Variants in SIK3 observed in about 807,000 individuals in gnomAD.
The protein encoded by SIK3 is serine/threonine-protein kinase SIK3.
A neutral mutation model predicts 144.2 loss-of-function variants in SIK3; 28 were observed. That is an observed-to-expected ratio of 0.19 (90% CI 0.14 to 0.27). The LOEUF (loss-of-function observed/expected upper bound fraction) is 0.27. SIK3 is among the 10% of genes least tolerant of loss of function. SIK3 has a pLI of 1.00. For synonymous variants in SIK3, 686 were observed against 676.3 expected, an observed-to-expected ratio of 1.01 and a Z score of -0.22; for missense variants, 1,319 against 1,776.0, an observed-to-expected ratio of 0.74 and a Z score of 4.62.
chr11:116,932,240 G>A (rs1046201663), intron 3 of SIK3, among the ~76,000 whole-genome samples: 5 of 152,124 alleles, frequency 3.3e-5, no homozygotes, highest in African/African-American at 1.2e-4. Flanking sequence ...CTCCTCAAAA[G>A]AGCAGCCAAG....
rs978513478 is a variant in SIK3 at position 117,089,232 on chromosome 11, G to A, written c.273+8911C>T. On this transcript the variant is annotated intron_variant, in intron 1 of 24. Coordinates refer to ENST00000445177, the MANE Select transcript of SIK3 (RefSeq NM_001366686.3). ...CAGCCTGGCTAACACATGGTGAAAC[G>A]CCGTCTCTACTAAAAATACAAAAAA... Among the ~76,000 whole-genome samples, 8 of 151,774 alleles carry A rather than the reference G, an allele frequency of 5.3e-5. No homozygotes were observed. The East Asian group carries it at 5.9e-4, about 11-fold the overall frequency.
At chr11:117,020,219 T>C (rs1951707448) in intron 1 of SIK3, among the ~76,000 whole-genome samples, 3 of 100,524 alleles carry the variant, frequency 3.0e-5, no homozygotes, top group Non-Finnish European at 5.8e-5. Context: ...GCGGTGATAT[T>C]TGTATGTGTA....
At chr11:117,006,016 C>T (rs1010487952) in intron 1 of SIK3, among the ~76,000 whole-genome samples, 16 of 152,086 alleles carry the variant, frequency 1.1e-4, no homozygotes, top group Non-Finnish European at 2.4e-4. Context: ...GGAAGGGGAA[C>T]AGAAAGCAGA....
intron 21 of SIK3, among the ~76,000 whole-genome samples, chr11:116,853,685 A>G (rs772851448): frequency 2.9e-4 from 44 of 152,346 alleles, no homozygotes; most frequent in Middle Eastern, 3.4e-3. Flanking sequence ...TTACTGCTCT[A>G]TGAGGCCTGA....
chr11:116,972,354 CAG>C (rs1949794077), intron 1 of SIK3, among the ~76,000 whole-genome samples: 1 of 152,122 alleles, frequency 6.6e-6, no homozygotes, highest in African/African-American at 2.4e-5. Flanking sequence ...TAAATATAAA[CAG>C]AGATAATTGA....
intron 1 of SIK3, among the ~76,000 whole-genome samples, chr11:116,966,293 A>G (rs568453596): frequency 1.3e-5 from 2 of 152,242 alleles, no homozygotes; most frequent in South Asian, 4.2e-4. Flanking sequence ...TACTCAGGAG[A>G]CTGAGGTGGG....
intron 4 of SIK3, among the ~76,000 whole-genome samples, chr11:116,915,904 T>C (rs958375244): frequency 4.6e-5 from 7 of 152,364 alleles, no homozygotes; most frequent in East Asian, 1.9e-4. Flanking sequence ...GCTATTATGA[T>C]AACCAACTAC....
At chr11:116,875,805 G>C in intron 9 of SIK3, 61 bp downstream of exon 9, 2 of 1,529,360 alleles carry the variant, frequency 1.3e-6, no homozygotes, top group Non-Finnish European at 1.7e-6. Flanking sequence ...GTGAGCAACA[G>C]CTAACCTTTA....
intron 1 of SIK3, among the ~76,000 whole-genome samples, chr11:116,990,439 C>A (rs538207922): frequency 1.6e-4 from 25 of 152,204 alleles, no homozygotes; most frequent in African/African-American, 5.5e-4. Flanking sequence ...CTGGGTATAA[C>A]CTACATACAT....
chr11:116,995,883 A>G (rs532240440), intron 1 of SIK3, among the ~76,000 whole-genome samples: 1 of 152,168 alleles, frequency 6.6e-6, no homozygotes, highest in Non-Finnish European at 1.5e-5. Flanking sequence ...GGTGTGGTAG[A>G]ACCTGCCTGT....
chr11:117,069,118 G>C lies in SIK3; in HGVS notation c.273+29025C>G, dbSNP rs1418266206. ...CTTTACTTGCCCATCTAAAATTAGA[G>C]AGAAAGAAGATAAAGGGGTAGGCTT... On this transcript the variant is annotated intron_variant, in intron 1 of 24. Coordinates refer to ENST00000445177, the MANE Select transcript of SIK3 (RefSeq NM_001366686.3). Among the ~76,000 whole-genome samples, 3 of 140,288 alleles carry C rather than the reference G, an allele frequency of 2.1e-5. 1 individual carries two copies. In the East Asian group the frequency reaches 7.1e-4, roughly 33 times the overall value. The allele number at this position is 140,288 out of a possible 152,430, so 92.0% of individuals were successfully genotyped here.
At chr11:116,992,094 C>T (rs999158954) in intron 1 of SIK3, among the ~76,000 whole-genome samples, 3 of 152,018 alleles carry the variant, frequency 2.0e-5, no homozygotes, top group Non-Finnish European at 4.4e-5. Flanking sequence ...GAGGCCAAAG[C>T]GGGCAGAACA....
At chr11:117,025,253 G>A (rs1224542708) in intron 1 of SIK3, among the ~76,000 whole-genome samples, 1 of 151,866 alleles carries the variant, frequency 6.6e-6, no homozygotes, top group Admixed American at 6.6e-5. Flanking sequence ...TCACTGATCC[G>A]GTCCAACCCC....
rs1942283259 is a variant in SIK3, at chr11:116,849,733, C to T, written c.3656-450G>A. ...TACTCTCCTCTTTCTACTTCTCTAA[C>T]TGCTGCTTCTGACTCCTTTGATGGC... On this transcript the variant is annotated intron_variant, in intron 21 of 24. Transcript: ENST00000445177. The surrounding 1 kb of genome is among the most constrained non-coding windows in gnomAD (Gnocchi z 4.2). Among the ~76,000 whole-genome samples, 1 of 152,118 alleles carries T rather than the reference C, an allele frequency of 6.6e-6. No homozygotes were observed. The highest frequency in any genetic ancestry group is 1.5e-5 in the Non-Finnish European group (1 of 68,016).
chr11:116,999,960 C>T (rs1202040658), intron 1 of SIK3, among the ~76,000 whole-genome samples: 2 of 152,046 alleles, frequency 1.3e-5, no homozygotes, highest in African/African-American at 4.8e-5. Flanking sequence ...CAACAGTGGG[C>T]ATAATTTGTT....
chr11:116,986,073 A>G (rs895575489), intron 1 of SIK3, among the ~76,000 whole-genome samples: 1 of 152,200 alleles, frequency 6.6e-6, no homozygotes, highest in African/African-American at 2.4e-5. Context: ...AAAAGTCAAC[A>G]TAATTGTGAT....
chr11:117,060,495 G>T (rs573201775), intron 1 of SIK3, among the ~76,000 whole-genome samples: 3 of 152,098 alleles, frequency 2.0e-5, no homozygotes, highest in Admixed American at 1.3e-4. Context: ...TACTCGGGAG[G>T]CTGAGGGAGG....
chr11:116,881,262 T>TTG (rs34246440), intron 6 of SIK3, among the ~76,000 whole-genome samples: 9,348 of 152,196 alleles, frequency 0.061, 560 homozygotes, highest in African/African-American at 0.15. Flanking sequence ...GCTCCTCTGC[T>TTG]TGTGTGTGCC....
At chr11:117,084,507 C>A (rs1954923983) in intron 1 of SIK3, among the ~76,000 whole-genome samples, 1 of 152,184 alleles carries the variant, frequency 6.6e-6, no homozygotes, top group African/African-American at 2.4e-5. Flanking sequence ...CTCAGGTGAT[C>A]CGCCTGCCTG....
Sources: gnomAD v4.1 joint callset for allele counts (sites outside exome capture counted in the v4.1 genomes callset) on GRCh38, gnomAD v4.1.1 for gene constraint, Gnocchi (gnomAD v3.1) non-coding constraint, MANE v1.5 for transcripts, NCBI Gene and HGNC (gene_info 2026-07-23, HGNC 2026-07-21) for gene names.